Variants in PRICKLE1 observed in about 807,000 individuals in gnomAD.
The protein encoded by PRICKLE1 is prickle planar cell polarity protein 1.
A neutral mutation model predicts 70.2 loss-of-function variants in PRICKLE1; 14 were observed. That is an observed-to-expected ratio of 0.20 (90% CI 0.13 to 0.31). The LOEUF (loss-of-function observed/expected upper bound fraction) is 0.31. Ranked by LOEUF, PRICKLE1 falls within the 10% of genes least tolerant of loss-of-function variation. The pLI is 1.00. For synonymous variants in PRICKLE1, 357 were observed against 379.9 expected (o/e 0.94, Z 0.70); for missense variants, 821 against 1,026.2 (o/e 0.80, Z 2.73).
Position 42,470,137 on chromosome 12 carries a change from C to G in PRICKLE1, c.246+109G>C, listed in dbSNP as rs1045438816. 15 of 802,856 alleles carry G rather than the reference C, an allele frequency of 1.9e-5. No individual in the cohort carries two copies. In the African/African-American group the frequency reaches 1.9e-4, roughly 10 times the overall value. The allele number at this position is 802,856 out of a possible 1,614,324, so 49.7% of individuals were successfully genotyped here. On this transcript the variant is annotated intron_variant, in intron 3 of 7. Coordinates refer to ENST00000345127, the MANE Select transcript of PRICKLE1 (RefSeq NM_153026.3). ...TGGCCAAATTTTAACTAAAGAAAGG[C>G]AAAAGGGAGCCCTCGCCAGTGAGGA...
chr12:42,535,841 G>T (rs192720254), intron 1 of PRICKLE1, among the ~76,000 whole-genome samples: 4 of 152,254 alleles, frequency 2.6e-5, no homozygotes, highest in Admixed American at 2.6e-4. Flanking sequence ...TAAACAGCCA[G>T]GAGTCAATAA....
intron 7 of PRICKLE1, among the ~76,000 whole-genome samples, chr12:42,462,105 A>G (rs577564191): frequency 1.2e-3 from 177 of 152,126 alleles, no homozygotes; most frequent in African/African-American, 4.1e-3. Context: ...GCCCTATATA[A>G]CTTCATACTT....
At position 42,459,499 on chromosome 12, in the gene PRICKLE1, T is replaced by A; in HGVS notation, c.*310A>T. The A allele has an allele frequency of 1.6e-6, 1 of 637,810 alleles. No individual in the cohort carries two copies. Among genetic ancestry groups the A allele is most frequent in the Non-Finnish European group, 2.8e-6 (1 of 356,974 alleles). 39.5% of individuals were successfully genotyped at this position (637,810 alleles called of 1,614,324 possible). Reference sequence around the variant, plus strand: ...TCCATCTTCTAAAATCAACATCCAATCCCCTTCAGTCAGCATCTTCAGTAT... The same window carrying A: ...TCCATCTTCTAAAATCAACATCCAAACCCCTTCAGTCAGCATCTTCAGTAT... On this transcript the variant is annotated 3_prime_UTR_variant, in exon 8 of 8. Coordinates refer to ENST00000345127, the MANE Select transcript of PRICKLE1 (RefSeq NM_153026.3).
At position 42,459,968 on chromosome 12, in the gene PRICKLE1, A is replaced by C; in HGVS notation, c.2337T>G (p.Leu779=). The change falls in exon 8 of 8, where the codon CTT becomes CTG. Residue 779 remains leucine (L), a synonymous_variant. Coordinates refer to ENST00000345127, the MANE Select transcript of PRICKLE1 (RefSeq NM_153026.3). ...SSDSEEEGYF[L]GQPIPQPRPQ... ...GCCGGGGTTGAGGGATTGGTTGTCC[A>C]AGAAAATATCCTTCTTCTTCCGAGT... 6.2e-7 allele frequency: 1 copy of C among 1,614,152 alleles called. No homozygotes were observed. The highest frequency in any genetic ancestry group is 1.3e-5 in the African/African-American group (1 of 75,024).
chr12:42,514,725 C>T (rs1233147161), intron 1 of PRICKLE1, among the ~76,000 whole-genome samples: 3 of 152,018 alleles, frequency 2.0e-5, no homozygotes, highest in East Asian at 3.8e-4. Flanking sequence ...ACAAGCACAT[C>T]GTTTAAAAAC....
At chr12:42,586,143 A>C (rs1302049395) in intron 1 of PRICKLE1, among the ~76,000 whole-genome samples, 1 of 152,180 alleles carries the variant, frequency 6.6e-6, no homozygotes, top group Admixed American at 6.5e-5. Context: ...CGACCAACCA[A>C]GCAACCCAGA....
At chr12:42,523,029 TCGGCTCACTGCAACCA>T (rs1203171952) in intron 1 of PRICKLE1, among the ~76,000 whole-genome samples, 8 of 151,694 alleles carry the variant, frequency 5.3e-5, no homozygotes, top group Non-Finnish European at 7.4e-5. Context: ...TGGCACGATC[TCGGCTCACTGCAACCA>T]CCGCCTCCTG....
intron 1 of PRICKLE1, among the ~76,000 whole-genome samples, chr12:42,485,838 G>GT (rs1566097683): frequency 6.6e-6 from 1 of 152,156 alleles, no homozygotes; most frequent in Non-Finnish European, 1.5e-5. Context: ...TTGTAAATAC[G>GT]TTTTGTTATA....
chr12:42,488,189 CCT>C (rs1939023142), intron 1 of PRICKLE1, among the ~76,000 whole-genome samples: 4 of 152,192 alleles, frequency 2.6e-5, no homozygotes, highest in Admixed American at 2.6e-4. Flanking sequence ...CAGGCACCTC[CCT>C]CTCTAACTAG....
rs1220056917 is a variant in PRICKLE1 at position 42,482,885 on chromosome 12, C to A, written c.-48-10321G>T. On this transcript the variant is annotated intron_variant, in intron 1 of 7. Transcript: ENST00000345127. ...ATCCCCGCCGCCGCAGCAGCAGAGA[C>A]GCCTCAGAGCGGGCGTCGGCGCCCC... The A allele has an allele frequency of 3.3e-5, 5 of 152,238 alleles. No individual in the cohort carries two copies. The East Asian group carries it at 9.7e-4, about 29-fold the overall frequency. The allele number at this position is 152,238 out of a possible 1,614,324, so 9.4% of individuals were successfully genotyped here. A position where few individuals can be genotyped will look rare whatever the true frequency, so the allele number is the denominator to read the frequency against.
intron 3 of PRICKLE1, 120 bp from the exon 4 acceptor site, chr12:42,469,707 C>T (rs1938241050): frequency 4.7e-6 from 6 of 1,279,728 alleles, no homozygotes; most frequent in East Asian, 4.7e-5. Context: ...CTGTGTCACA[C>T]CCCCACGATT....
At chr12:42,578,100 A>G (rs576869826) in intron 1 of PRICKLE1, among the ~76,000 whole-genome samples, 276 of 152,340 alleles carry the variant, frequency 1.8e-3, no homozygotes, top group Middle Eastern at 3.4e-3. Context: ...TTATCATAAT[A>G]AAGAACCCCC....
In PRICKLE1 at chr12:42,491,858, C is replaced by A. The variant is rs143396317; in HGVS notation, c.-48-19294G>T. On this transcript the variant is annotated intron_variant, in intron 1 of 7. Transcript: ENST00000345127. ...AGTAAAATGGCATGATCTTGGCTCA[C>A]TGCAACCTCCACTTCCCCGGGTTCA... Among the ~76,000 whole-genome samples, 837 of 142,816 alleles carry A rather than the reference C, an allele frequency of 5.9e-3. 6 individuals are homozygous for A. The highest frequency in any genetic ancestry group is 0.022 in the African/African-American group (792 of 36,374). The allele number at this position is 142,816 out of a possible 152,430, so 93.7% of individuals were successfully genotyped here.
At chr12:42,587,019 T>C (rs540885887) in intron 1 of PRICKLE1, among the ~76,000 whole-genome samples, 1 of 152,344 alleles carries the variant, frequency 6.6e-6, no homozygotes, top group Admixed American at 6.5e-5. Context: ...AGATTTTATC[T>C]GGGGGACTCA....
chr12:42,560,804 AC>A (rs1940500415), intron 1 of PRICKLE1, among the ~76,000 whole-genome samples: 1 of 151,250 alleles, frequency 6.6e-6, no homozygotes, highest in African/African-American at 2.4e-5. Flanking sequence ...ACACACACAC[AC>A]ACACACACAC....
intron 1 of PRICKLE1, among the ~76,000 whole-genome samples, chr12:42,556,936 T>C (rs1320254136): frequency 6.6e-6 from 1 of 152,184 alleles, no homozygotes; most frequent in African/African-American, 2.4e-5. Context: ...GTTTATGGCT[T>C]AGTTTAGGAC....
At chr12:42,497,717 G>C (rs929374204) in intron 1 of PRICKLE1, among the ~76,000 whole-genome samples, 1 of 152,156 alleles carries the variant, frequency 6.6e-6, no homozygotes, top group African/African-American at 2.4e-5. Context: ...ATCAAAATGT[G>C]ACACAGAGAC....
chr12:42,492,995 A>C (rs1334510916), intron 1 of PRICKLE1, among the ~76,000 whole-genome samples: 1 of 152,222 alleles, frequency 6.6e-6, no homozygotes, highest in Non-Finnish European at 1.5e-5. Flanking sequence ...CCTGACTCAG[A>C]ATCTTGCGCA....
chr12:42,482,873 C>G (rs1464826674), intron 1 of PRICKLE1: 1 of 152,018 alleles, frequency 6.6e-6, no homozygotes, highest in Non-Finnish European at 1.5e-5. Flanking sequence ...CCCGCCGCCG[C>G]AGCAGCAGAG....
Sources: allele counts gnomAD v4.1 joint callset (sites outside exome capture counted in the v4.1 genomes callset), GRCh38; gene constraint gnomAD v4.1.1; transcripts MANE v1.5; gene names NCBI Gene and HGNC (gene_info 2026-07-23, HGNC 2026-07-21).